The following ESCO2 variants were observed in gnomAD, a reference collection of about 807,000 sequenced individuals.
The protein encoded by ESCO2 is establishment of sister chromatid cohesion N-acetyltransferase 2.
Under a neutral mutation model 61.7 loss-of-function variants are expected in ESCO2, and 51 were observed. That is an observed-to-expected ratio of 0.83 (90% CI 0.66 to 1.04). The LOEUF (loss-of-function observed/expected upper bound fraction) is 1.04, where lower values mean the gene tolerates loss of function less well. ESCO2 is among the 50% of genes least tolerant of loss of function. ESCO2 has a pLI of 0.00. For missense variants in ESCO2, 692 were observed against 686.2 expected (o/e 1.01, Z -0.09); for synonymous variants, 230 against 238.2 (o/e 0.97, Z 0.32).
intron 8 of ESCO2, 150 bp from the exon 9 acceptor site, chr8:27,792,518 A>T: frequency 1.2e-6 from 1 of 806,290 alleles, no homozygotes; most frequent in Non-Finnish European, 1.9e-6. Flanking sequence ...ATGCATCAAT[A>T]GTGAAATAAT....
downstream of ESCO2, chr8:27,808,091 C>T: frequency 3.2e-6 from 1 of 317,194 alleles, no homozygotes; most frequent in South Asian, 6.7e-5. Context: ...TTTTGTTTTT[C>T]CCAAATTCTT....
chr8:27,777,260 C>T (rs1328898688), intron 3 of ESCO2, 91 bp downstream of exon 3: 1 of 1,226,550 alleles, frequency 8.2e-7, no homozygotes, highest in African/African-American at 1.5e-5. Context: ...TTCTGGACTG[C>T]TTTTATAAAG....
At chr8:27,810,232 A>G, downstream of ESCO2, 1 of 1,005,554 alleles carries the variant, frequency 9.9e-7, no homozygotes. Flanking sequence ...TCTAATAACT[A>G]CTGATAGTAA....
At chr8:27,773,674 A>T (rs1804709641), upstream of ESCO2, 1 of 152,238 alleles carries the variant, frequency 6.6e-6, no homozygotes, top group African/African-American at 2.4e-5. Context: ...GTATACTAAA[A>T]TTGGAATGAT....
intron 4 of ESCO2, among the ~76,000 whole-genome samples, chr8:27,781,307 A>C (rs752312837): frequency 2.0e-5 from 3 of 151,086 alleles, no homozygotes; most frequent in Non-Finnish European, 4.4e-5. Context: ...CTAGAGGATG[A>C]GCTCTAATTA....
At chr8:27,809,804 C>T (rs1364705594), downstream of ESCO2, 1 of 152,420 alleles carries the variant, frequency 6.6e-6, no homozygotes, top group Non-Finnish European at 1.5e-5. Context: ...CAATCTGTAA[C>T]CAGAGTCTGA....
Position 27,776,345 on chromosome 8 carries a change from TTTG to T in ESCO2, c.54-14_54-12del, listed in dbSNP as rs762294246. Reference sequence around the variant, plus strand: ...ACGCAAAATAATCTTATCAATGGACTTTGTTTCTTTTTATAGCCTTTTACACTT... The same window carrying T: ...ACGCAAAATAATCTTATCAATGGACTTTTCTTTTTATAGCCTTTTACACTT... On this transcript the variant is annotated splice_polypyrimidine_tract_variant and intron_variant, in intron 2 of 10. Transcript: ENST00000305188. The T allele has an allele frequency of 1.3e-6, 2 of 1,589,266 alleles. 1 individual carries two copies. Among genetic ancestry groups the T allele is most frequent in the South Asian group, 2.3e-5 (2 of 87,706 alleles).
rs1297282377 is a variant in ESCO2, at chr8:27,805,168, G to C, written c.*1730G>C. On this transcript the variant is annotated 3_prime_UTR_variant, in exon 11 of 11. Coordinates refer to ENST00000305188, the MANE Select transcript of ESCO2 (RefSeq NM_001017420.3). The stretch of plus-strand genomic sequence containing the variant: ...GCGGTGGCGGGCGCCTGTAGTCCCA[G>C]CTACTCGGGAGGCTGAGGCAGGAGA... 2 of 131,546 alleles carry C rather than the reference G, an allele frequency of 1.5e-5. No individual in the cohort carries two copies. Among genetic ancestry groups the C allele is most frequent in the Non-Finnish European group, 3.2e-5 (2 of 62,686 alleles). 8.1% of individuals were successfully genotyped at this position (131,546 alleles called of 1,614,324 possible).
chr8:27,798,459 T>C (rs1805352362), intron 9 of ESCO2, among the ~76,000 whole-genome samples: 1 of 115,244 alleles, frequency 8.7e-6, no homozygotes, highest in African/African-American at 3.2e-5. Flanking sequence ...ACTCCGTCTC[T>C]TTAAAAAAAA....
chr8:27,795,101 T>C (rs577366062), intron 9 of ESCO2, among the ~76,000 whole-genome samples: 8 of 152,324 alleles, frequency 5.3e-5, no homozygotes, highest in Non-Finnish European at 1.2e-4. Flanking sequence ...ATTTGTAGAT[T>C]GCTTTGGGTA....
At chr8:27,815,229 G>T (rs1377891188), downstream of ESCO2, among the ~76,000 whole-genome samples, 3 of 152,136 alleles carry the variant, frequency 2.0e-5, no homozygotes, top group African/African-American at 7.2e-5. Context: ...GAATCCATAA[G>T]CCAGGAAATT....
At chr8:27,775,212 G>C (rs1804760802) in intron 1 of ESCO2, among the ~76,000 whole-genome samples, 1 of 152,292 alleles carries the variant, frequency 6.6e-6, no homozygotes, top group East Asian at 1.9e-4. Flanking sequence ...CCGTTTTCTT[G>C]CTGGGCTCTG....
chr8:27,793,479 G>GTTTTTTTT (rs67670087), intron 9 of ESCO2, among the ~76,000 whole-genome samples: 19 of 125,494 alleles, frequency 1.5e-4, no homozygotes, highest in South Asian at 5.0e-4. Context: ...CTTTTTCTTT[G>GTTTTTTTT]TTTTTTTTTT....
rs76208705 is a variant in ESCO2 at position 27,796,244 on chromosome 8, C to T, written c.1498-3297C>T. ...ATATATGATTATTCATAGTCTCTTA[C>T]GATCCTTTGTACTTCTGTGATAATC... On this transcript the variant is annotated intron_variant, in intron 9 of 10. Transcript: ENST00000305188. Among the ~76,000 whole-genome samples the T allele has an allele frequency of 2.2e-3, 336 of 152,136 alleles. 2 individuals carry two copies. Among genetic ancestry groups the T allele is most frequent in the African/African-American group, 7.9e-3 (328 of 41,550 alleles).
rs188391725 is a variant in ESCO2, at chr8:27,780,027, T to G, written c.862-147T>G. 2.1e-5 allele frequency: 13 copies of G among 630,504 alleles called. 1 individual carries two copies. The East Asian group carries it at 3.7e-4, about 18-fold the overall frequency. The allele number at this position is 630,504 out of a possible 1,614,324, so 39.1% of individuals were successfully genotyped here. A position where few individuals can be genotyped will look rare whatever the true frequency, so the allele number is the denominator to read the frequency against. ...ACAGGGGAAGTTTTCCTAAAAATAG[T>G]TTGAAAATTGATTGAAAATCACATT... On this transcript the variant is annotated intron_variant, in intron 3 of 10. Coordinates refer to ENST00000305188, the MANE Select transcript of ESCO2 (RefSeq NM_001017420.3).
rs569042315 is a variant in ESCO2, at chr8:27,776,344, CTTTG to C, written c.54-14_54-11del. The C allele has an allele frequency of 3.8e-6, 6 of 1,585,850 alleles. No homozygotes were observed. Among genetic ancestry groups the C allele is most frequent in the Non-Finnish European group, 4.3e-6 (5 of 1,162,018 alleles). On this transcript the variant is annotated splice_polypyrimidine_tract_variant and intron_variant, in intron 2 of 10. Transcript: ENST00000305188. ...GACGCAAAATAATCTTATCAATGGA[CTTTG>C]TTTCTTTTTATAGCCTTTTACACTT...
chr8:27,794,411 A>T (rs183731133), intron 9 of ESCO2, among the ~76,000 whole-genome samples: 1 of 152,308 alleles, frequency 6.6e-6, no homozygotes, highest in East Asian at 1.9e-4. Context: ...CTTCTTTTGA[A>T]AAATATCTAT....
chr8:27,788,775 G>C lies in ESCO2; in HGVS notation c.1132-72G>C, dbSNP rs570912860. The C allele has an allele frequency of 2.1e-5, 33 of 1,586,678 alleles. No homozygotes were observed. The South Asian group carries it at 3.5e-4, about 17-fold the overall frequency. ...AAATTAGGTGAAATTTGAATGAATG[G>C]TTATAGGAACTTAATTTAGAGCTAT... is the stretch of plus-strand genomic sequence containing the variant. On this transcript the variant is annotated intron_variant, in intron 6 of 10. Coordinates refer to ENST00000305188, the MANE Select transcript of ESCO2 (RefSeq NM_001017420.3).
downstream of ESCO2, among the ~76,000 whole-genome samples, chr8:27,814,361 GTAGAATTTACAATAACCC>G (rs1805769375): frequency 6.6e-6 from 1 of 152,100 alleles, no homozygotes; most frequent in Non-Finnish European, 1.5e-5. Context: ...TTAAATGTGT[GTAGAATTTACAATAACCC>G]TTTTCTCATT....
Sources: gnomAD v4.1 joint callset for allele counts (sites outside exome capture counted in the v4.1 genomes callset) on GRCh38, gnomAD v4.1.1 for gene constraint, MANE v1.5 for transcripts, NCBI Gene and HGNC (gene_info 2026-07-23, HGNC 2026-07-21) for gene names.